The following GALNT13 variants were observed in gnomAD, a reference collection of about 807,000 sequenced individuals.
The protein encoded by GALNT13 is UDP-GalNAc:polypeptide N-acetylgalactosaminyltransferase 13.
GALNT13 carries 28 observed loss-of-function variants against 64.2 expected under a neutral mutation model. The ratio of observed to expected loss-of-function variants is 0.44; its 90% CI spans 0.32 to 0.60. GALNT13 has a LOEUF of 0.60. Among genes scored for constraint, GALNT13 ranks in the 20% least tolerant of loss-of-function variants. The pLI, the probability that GALNT13 is intolerant of heterozygous loss-of-function variation, is 0.05. For missense variants in GALNT13, 577 were observed against 669.8 expected (o/e 0.86, Z 1.53); for synonymous variants, 214 against 224.6 (o/e 0.95, Z 0.42).
In GALNT13 at chr2:154,140,324, G is replaced by C; in HGVS notation, c.143-13G>C. On this transcript the variant is annotated splice_polypyrimidine_tract_variant and intron_variant, in intron 3 of 12. Transcript: ENST00000392825. ...TGTTTGTATGTATGTCTGTATCTCTGTATGTCTTACAGCTGTTATTTCAAG... is the reference window on the plus strand; with the variant it reads ...TGTTTGTATGTATGTCTGTATCTCTCTATGTCTTACAGCTGTTATTTCAAG... The C allele has an allele frequency of 6.2e-7, 1 of 1,604,954 alleles. No individual in the cohort carries two copies. Among genetic ancestry groups the C allele is most frequent in the African/African-American group, 1.3e-5 (1 of 74,756 alleles).
intron 8 of GALNT13, among the ~76,000 whole-genome samples, chr2:154,281,330 G>T (rs989727763): frequency 1.3e-5 from 2 of 152,104 alleles, no homozygotes; most frequent in Non-Finnish European, 2.9e-5. Flanking sequence ...GAGAACGGAA[G>T]ATTTGCCACA....
chr2:153,224,361 G>A, the GALNT13 span, among the ~76,000 whole-genome samples: 12 of 152,212 alleles, frequency 7.9e-5, no homozygotes, highest in East Asian at 2.3e-3. Context: ...GCTGTGGGCT[G>A]AAAAACTACC....
intron 3 of GALNT13, among the ~76,000 whole-genome samples, chr2:154,004,523 T>G (rs1196149652): frequency 2.0e-5 from 3 of 152,110 alleles, no homozygotes; most frequent in Admixed American, 6.6e-5. Context: ...TTTAATACAT[T>G]GAAGGAGAGA....
intron 3 of GALNT13, among the ~76,000 whole-genome samples, chr2:154,035,855 C>T (rs764372029): frequency 2.6e-5 from 4 of 151,858 alleles, no homozygotes; most frequent in Admixed American, 1.3e-4. Context: ...ATTGAACACT[C>T]ATTAATAGGA....
chr2:153,543,316 G>A, the GALNT13 span, among the ~76,000 whole-genome samples: 3 of 152,166 alleles, frequency 2.0e-5, no homozygotes, highest in African/African-American at 7.2e-5. Flanking sequence ...TATTGTACCT[G>A]CCTACATCTT....
At chr2:153,653,026 A>G in the GALNT13 span, among the ~76,000 whole-genome samples, 1 of 152,168 alleles carries the variant, frequency 6.6e-6, no homozygotes, top group African/African-American at 2.4e-5. Context: ...ATATATATGG[A>G]TTTGTATATC....
chr2:154,354,246 G>A (rs1696585444), intron 9 of GALNT13, among the ~76,000 whole-genome samples: 1 of 151,918 alleles, frequency 6.6e-6, no homozygotes, highest in Admixed American at 6.6e-5. Flanking sequence ...TTTTAATTGG[G>A]TTGTTTTTCT....
chr2:153,083,601 C>T, the GALNT13 span, among the ~76,000 whole-genome samples: 1 of 151,378 alleles, frequency 6.6e-6, no homozygotes, highest in Admixed American at 6.6e-5. Context: ...TTTTTTCATG[C>T]TGCTTTGTTT....
the GALNT13 span, among the ~76,000 whole-genome samples, chr2:153,683,723 A>G: frequency 6.6e-6 from 1 of 151,716 alleles, no homozygotes; most frequent in African/African-American, 2.4e-5. Context: ...GCCCCTGGAT[A>G]CAATCTGCTA....
At chr2:153,732,040 T>G in the GALNT13 span, among the ~76,000 whole-genome samples, 1 of 152,026 alleles carries the variant, frequency 6.6e-6, no homozygotes, top group Non-Finnish European at 1.5e-5. Flanking sequence ...AACTACATTG[T>G]GAGTTTTTGA....
At chr2:154,044,061 G>A (rs1699155567) in intron 3 of GALNT13, among the ~76,000 whole-genome samples, 1 of 151,028 alleles carries the variant, frequency 6.6e-6, no homozygotes, top group African/African-American at 2.4e-5. Context: ...GACAGAGTTA[G>A]ACTCTGTCTC....
chr2:153,735,836 C>T, the GALNT13 span, among the ~76,000 whole-genome samples: 5 of 152,110 alleles, frequency 3.3e-5, no homozygotes, highest in South Asian at 2.1e-4. Flanking sequence ...GTGTTCATTC[C>T]GTTGCTTTCT....
At chr2:153,335,220 C>T in the GALNT13 span, among the ~76,000 whole-genome samples, 2 of 152,124 alleles carry the variant, frequency 1.3e-5, no homozygotes, top group Non-Finnish European at 2.9e-5. Context: ...TGGACTAATA[C>T]AGTAAGTTGG....
chr2:153,118,498 T>G, the GALNT13 span, among the ~76,000 whole-genome samples: 6 of 152,202 alleles, frequency 3.9e-5, no homozygotes, highest in African/African-American at 9.6e-5. Context: ...TACAATTATC[T>G]AATTAGTTAT....
intron 3 of GALNT13, among the ~76,000 whole-genome samples, chr2:153,978,355 C>A (rs1694215753): frequency 6.6e-6 from 1 of 152,096 alleles, no homozygotes; most frequent in African/African-American, 2.4e-5. Context: ...TGAATTTTTG[C>A]TTTCCTCTTT....
chr2:153,801,407 G>A, the GALNT13 span, among the ~76,000 whole-genome samples: 510 of 150,760 alleles, frequency 3.4e-3, 2 homozygotes, highest in Non-Finnish European at 5.8e-3. Flanking sequence ...CCTTTCACTC[G>A]AACACTAAGA....
the GALNT13 span, among the ~76,000 whole-genome samples, chr2:153,163,533 C>T: frequency 6.6e-6 from 1 of 152,158 alleles, no homozygotes; most frequent in Admixed American, 6.5e-5. Context: ...CCCAACTAAG[C>T]TCTCAACCCT....
chr2:153,430,889 C>T, the GALNT13 span, among the ~76,000 whole-genome samples: 12 of 151,980 alleles, frequency 7.9e-5, no homozygotes, highest in South Asian at 6.2e-4. Context: ...TGGTGGCTCA[C>T]GCCTGTAATT....
At chr2:154,050,699 G>A (rs917095884) in intron 3 of GALNT13, among the ~76,000 whole-genome samples, 3 of 151,962 alleles carry the variant, frequency 2.0e-5, no homozygotes, top group Non-Finnish European at 2.9e-5. Context: ...GTTTTTGCCC[G>A]GTTTTAACAT....
Sources: allele counts gnomAD v4.1 joint callset (sites outside exome capture counted in the v4.1 genomes callset), GRCh38; gene constraint gnomAD v4.1.1; transcripts MANE v1.5; gene names NCBI Gene and HGNC (gene_info 2026-07-23, HGNC 2026-07-21).